Variants in ARAP2 observed in about 807,000 individuals in gnomAD.
ARAP2 encodes the protein arf-GAP with Rho-GAP domain, ANK repeat and PH domain-containing protein 2.
Under a neutral mutation model 194.5 loss-of-function variants are expected in ARAP2, and 148 were observed. The observed-to-expected ratio is 0.76, with a 90% CI of 0.67 to 0.87. ARAP2 has a LOEUF of 0.87. ARAP2 is among the 40% of genes least tolerant of loss of function. The pLI is 0.00. For missense variants in ARAP2, 2,128 were observed against 1,989.7 expected, an observed-to-expected ratio of 1.07 and a Z score of -1.32; for synonymous variants, 695 against 683.5, an observed-to-expected ratio of 1.02 and a Z score of -0.26.
intron 27 of ARAP2, among the ~76,000 whole-genome samples, chr4:36,096,362 CAAAA>C (rs10632831): frequency 2.5e-5 from 2 of 80,990 alleles, no homozygotes; most frequent in African/African-American, 6.7e-5. Flanking sequence ...GAGACTCTCT[CAAAA>C]AAAAAAAAAA....
chr4:36,106,004 C>T (rs1718321816), intron 27 of ARAP2, among the ~76,000 whole-genome samples: 1 of 151,930 alleles, frequency 6.6e-6, no homozygotes, highest in Admixed American at 6.6e-5. Flanking sequence ...ACAGATATCA[C>T]AGATTATCTA....
Position 36,177,093 on chromosome 4 carries a change from TA to T in ARAP2, c.1857+733del, listed in dbSNP as rs561973066. On this transcript the variant is annotated intron_variant, in intron 9 of 32. Transcript: ENST00000303965. ...ATACATATTAAAAACATATACATAT[TA>T]AAAACAAGGAATTTTAGAAAAAAGA... 3.3e-3 allele frequency among the ~76,000 whole-genome samples: 507 copies of T among 151,696 alleles called. 7 individuals carry two copies. The highest frequency in any genetic ancestry group is 0.011 in the African/African-American group (461 of 41,460).
At chr4:36,130,848 G>A (rs1049043891) in intron 20 of ARAP2, among the ~76,000 whole-genome samples, 4 of 151,906 alleles carry the variant, frequency 2.6e-5, no homozygotes, top group South Asian at 2.1e-4. Context: ...CTGACTAAGC[G>A]TTTGAGATAG....
chr4:36,050,369 C>T (rs1374709401), intron 3 of ARAP2, among the ~76,000 whole-genome samples: 1 of 152,148 alleles, frequency 6.6e-6, no homozygotes, highest in Admixed American at 6.5e-5. Flanking sequence ...ACAAAAGTAA[C>T]TCTTGCAGCA....
chr4:36,165,723 C>A (rs533741976), intron 10 of ARAP2, among the ~76,000 whole-genome samples: 7 of 151,952 alleles, frequency 4.6e-5, no homozygotes, highest in African/African-American at 1.5e-4. Flanking sequence ...ACTGGGAACT[C>A]GAGTGAATGA....
At position 36,133,319 on chromosome 4, in the gene ARAP2, C is replaced by T. The variant is rs1318159151; in HGVS notation, c.3334G>A (p.Gly1112Ser). The T allele has an allele frequency of 6.2e-7, 1 of 1,611,240 alleles. No individual in the cohort carries two copies. The highest frequency in any genetic ancestry group is 8.5e-7 in the Non-Finnish European group (1 of 1,178,324). ...VWHTAIEKAA[G>S]TDGNALQDQQ... ...TCTTGTAAAGCATTACCATCTGTAC[C>T]TGCTGCTTTTTCAATTGCAGTATGC... The change falls in exon 20 of 33, where the codon GGT becomes AGT. Residue 1112 changes from glycine to serine, a missense_variant. By Grantham distance (56) the Gly-to-Ser change is moderately conservative. Coordinates refer to ENST00000303965, the MANE Select transcript of ARAP2 (RefSeq NM_015230.4).
chr4:36,229,838 G>T (rs1751084981), intron 1 of ARAP2, among the ~76,000 whole-genome samples, 193 bp from the exon 2 acceptor site: 1 of 152,122 alleles, frequency 6.6e-6, no homozygotes, highest in African/African-American at 2.4e-5. Flanking sequence ...GAAATGCTAT[G>T]ACAGCATCAA....
intron 2 of ARAP2, among the ~76,000 whole-genome samples, chr4:36,216,973 A>G (rs1344369122): frequency 1.3e-5 from 2 of 152,216 alleles, no homozygotes; most frequent in Non-Finnish European, 2.9e-5. Context: ...ATATTCTTAC[A>G]GGACCAATGT....
Position 36,187,223 on chromosome 4 carries a change from T to C in ARAP2, c.1678+228A>G, listed in dbSNP as rs199556697. Among the ~76,000 whole-genome samples, 15 of 152,360 alleles carry C rather than the reference T, an allele frequency of 9.8e-5. No homozygotes were observed. The East Asian group carries it at 2.9e-3, about 29-fold the overall frequency. On this transcript the variant is annotated intron_variant, in intron 8 of 32. Transcript: ENST00000303965. ...TTGTATATGCAGAACTTATGAGTCC[T>C]TAGCACACAATAGGCTCTCATTAAA...
intron 5 of ARAP2, among the ~76,000 whole-genome samples, chr4:36,034,005 T>C (rs1577605125): frequency 1.3e-5 from 2 of 152,294 alleles, no homozygotes; most frequent in East Asian, 3.9e-4. Flanking sequence ...CATTGGTCTA[T>C]ATATCTGTTT....
chr4:36,049,506 G>T (rs1722330058), intron 3 of ARAP2, among the ~76,000 whole-genome samples: 1 of 152,052 alleles, frequency 6.6e-6, no homozygotes, highest in Admixed American at 6.6e-5. Flanking sequence ...ATTTTCTTGA[G>T]GAATGACTAA....
At chr4:36,123,406 C>T (rs1435349576) in intron 22 of ARAP2, among the ~76,000 whole-genome samples, 1 of 151,782 alleles carries the variant, frequency 6.6e-6, no homozygotes, top group Non-Finnish European at 1.5e-5. Context: ...AAGGACATTC[C>T]TGCATTTCTT....
intron 9 of ARAP2, among the ~76,000 whole-genome samples, chr4:36,169,329 C>T (rs2109816245): frequency 6.6e-6 from 1 of 152,232 alleles, no homozygotes; most frequent in East Asian, 1.9e-4. Context: ...ACATAATACT[C>T]TGACCATCAT....
Position 36,164,006 on chromosome 4 carries a change from C to G in ARAP2, c.2173+908G>C, listed in dbSNP as rs145256036. Among the ~76,000 whole-genome samples, 150 of 152,350 alleles carry G rather than the reference C, an allele frequency of 9.8e-4. 1 individual carries two copies. The highest frequency in any genetic ancestry group is 3.5e-3 in the African/African-American group (145 of 41,576). On this transcript the variant is annotated intron_variant, in intron 11 of 32. Transcript: ENST00000303965. ...GCAACTCCTGTGACTGCACTACTCACTGCGCTCTAGCTGAGGTAGGAACTC... is the reference window on the plus strand; with the variant it reads ...GCAACTCCTGTGACTGCACTACTCAGTGCGCTCTAGCTGAGGTAGGAACTC...
intron 5 of ARAP2, among the ~76,000 whole-genome samples, chr4:36,032,354 G>A (rs1395873434): frequency 1.3e-5 from 2 of 152,196 alleles, no homozygotes; most frequent in Non-Finnish European, 1.5e-5. Context: ...CTAATGTTTT[G>A]TCAATGAGGG....
intron 27 of ARAP2, among the ~76,000 whole-genome samples, chr4:36,097,737 T>A (rs1241792991): frequency 1.6e-4 from 25 of 152,076 alleles, no homozygotes; most frequent in Admixed American, 1.6e-3. Context: ...ACTATTTCAT[T>A]TACTACCTTT....
chr4:36,169,301 G>A (rs1736017410), intron 9 of ARAP2, among the ~76,000 whole-genome samples: 1 of 152,102 alleles, frequency 6.6e-6, no homozygotes, highest in Non-Finnish European at 1.5e-5. Flanking sequence ...TGTAAGTCCT[G>A]TATGTTACTA....
chr4:36,213,264 G>A lies in ARAP2; in HGVS notation c.1020C>T (p.Phe340=). The change falls in exon 4 of 33, where the codon TTC becomes TTT. Residue 340 remains phenylalanine, a synonymous_variant. Coordinates refer to ENST00000303965, the MANE Select transcript of ARAP2 (RefSeq NM_015230.4). ...SIFPYGETFL[F]QRLENSKKRS... ...TAACCTTGGAATTTTCTAGTCTCTG[G>A]AAGAGAAAGGTCTCTCCATAAGGAA... 1.9e-6 allele frequency: 3 copies of A among 1,606,658 alleles called. No homozygotes were observed. Among genetic ancestry groups the A allele is most frequent in the Middle Eastern group, 1.7e-4 (1 of 6,042 alleles).
At chr4:36,013,217 C>A (rs79345444) in intron 8 of ARAP2, among the ~76,000 whole-genome samples, 3,772 of 152,172 alleles carry the variant, frequency 0.025, 79 homozygotes, top group Non-Finnish European at 0.037. Flanking sequence ...CAGAAAAAGA[C>A]CAAGGAACTT....
Sources: gnomAD v4.1 joint callset for allele counts (sites outside exome capture counted in the v4.1 genomes callset) on GRCh38, gnomAD v4.1.1 for gene constraint, MANE v1.5 for transcripts, NCBI Gene and HGNC (gene_info 2026-07-23, HGNC 2026-07-21) for gene names.